Variants in PCDHA2 observed in about 807,000 individuals in gnomAD.
PCDHA2 encodes the protein protocadherin alpha 2, also known as protocadherin alpha-2.
PCDHA2 carries 58 observed loss-of-function variants against 66.0 expected under a neutral mutation model. The observed-to-expected ratio is 0.88, with a 90% CI of 0.71 to 1.09. PCDHA2 has a LOEUF of 1.09. Ranked by LOEUF, PCDHA2 falls within the 50% of genes least tolerant of loss-of-function variation. The pLI, the probability that PCDHA2 is intolerant of heterozygous loss-of-function variation, is 0.00. For synonymous variants in PCDHA2, 634 were observed against 554.0 expected (o/e 1.14, Z -2.03); for missense variants, 1,267 against 1,242.3 (o/e 1.02, Z -0.30).
intron 1 of PCDHA2, among the ~76,000 whole-genome samples, chr5:140,896,091 G>A (rs1353012571): frequency 2.0e-5 from 3 of 152,104 alleles, no homozygotes; most frequent in African/African-American, 2.4e-5. Flanking sequence ...GATTACAGGC[G>A]TGAGCCACTG....
chr5:140,835,845 G>C, intron 1 of PCDHA2: 2 of 1,612,312 alleles, frequency 1.2e-6, no homozygotes, highest in Non-Finnish European at 1.7e-6. Context: ...GCAGAAGAAC[G>C]CGCTGGTGTC....
chr5:140,807,723 C>T (rs369564705), intron 1 of PCDHA2: 1 of 1,614,192 alleles, frequency 6.2e-7, no homozygotes, highest in Non-Finnish European at 8.5e-7. Flanking sequence ...GAATACTTTT[C>T]TCTGGAAAAA....
At position 140,794,930 on chromosome 5, in the gene PCDHA2, C is replaced by A; in HGVS notation, c.-35C>A. ...AATATTTAAATTTTTGCAAAACATG[C>A]TCTTCTAATTTGATCAAAACATTGA... is the stretch of plus-strand genomic sequence containing the variant. On this transcript the variant is annotated 5_prime_UTR_variant, in exon 1 of 4. Coordinates refer to ENST00000526136, the MANE Select transcript of PCDHA2 (RefSeq NM_018905.3). The A allele has an allele frequency of 6.4e-7, 1 of 1,559,700 alleles. No homozygotes were observed. The highest frequency in any genetic ancestry group is 1.4e-5 in the African/African-American group (1 of 72,470).
At chr5:140,805,621 A>G in intron 1 of PCDHA2, 8 of 916,950 alleles carry the variant, frequency 8.7e-6, no homozygotes, top group Non-Finnish European at 1.0e-5. Context: ...ATGTAAGAAA[A>G]TGTATTGTGG....
At chr5:140,884,499 C>A (rs782667822) in intron 1 of PCDHA2, 2 of 1,614,062 alleles carry the variant, frequency 1.2e-6, no homozygotes, top group Non-Finnish European at 8.5e-7. Flanking sequence ...TGCTCCAGCG[C>A]GGCAGGGAGT....
intron 1 of PCDHA2, chr5:140,884,661 A>C: frequency 6.3e-7 from 1 of 1,590,384 alleles, no homozygotes; most frequent in African/African-American, 1.3e-5. Context: ...TGCTTGAAAG[A>C]GGTAAGCTTA....
chr5:140,886,159 C>T (rs1006053368), intron 1 of PCDHA2, among the ~76,000 whole-genome samples: 16 of 152,164 alleles, frequency 1.1e-4, no homozygotes, highest in Non-Finnish European at 2.1e-4. Flanking sequence ...TTTTTATAGC[C>T]ACATCTGCTT....
At chr5:140,808,921 C>G in intron 1 of PCDHA2, 3 of 1,613,590 alleles carry the variant, frequency 1.9e-6, no homozygotes, top group Non-Finnish European at 2.5e-6. Flanking sequence ...GCGCAGTGAG[C>G]GAGCTGGTGC....
At chr5:140,850,367 GGGGCTGT>G (rs1332786840) in intron 1 of PCDHA2, 1 of 1,597,800 alleles carries the variant, frequency 6.3e-7, no homozygotes, top group Non-Finnish European at 8.6e-7. Context: ...CGTTCCGCGT[GGGGCTGT>G]ACACGGGCGA....
Position 140,979,011 on chromosome 5 carries a change from T to C in PCDHA2, c.2447+4T>C. On this transcript the variant is annotated splice_donor_region_variant and intron_variant, in intron 2 of 3. Coordinates refer to ENST00000526136, the MANE Select transcript of PCDHA2 (RefSeq NM_018905.3). ...CCCTGAGAGCAGGCATGCACAGGTA[T>C]GTATTTCCCTCCTCATTCACTCAGA... The C allele has an allele frequency of 6.2e-7, 1 of 1,613,950 alleles. No homozygotes were observed. The highest frequency in any genetic ancestry group is 8.5e-7 in the Non-Finnish European group (1 of 1,179,938).
intron 1 of PCDHA2, among the ~76,000 whole-genome samples, chr5:140,974,407 A>T (rs1441174003): frequency 6.6e-6 from 1 of 152,244 alleles, no homozygotes; most frequent in African/African-American, 2.4e-5. Flanking sequence ...TTCTAAAGTT[A>T]TGTTTATTTT....
chr5:140,971,599 A>G (rs891227830), intron 1 of PCDHA2, among the ~76,000 whole-genome samples: 1 of 152,140 alleles, frequency 6.6e-6, no homozygotes, highest in African/African-American at 2.4e-5. Flanking sequence ...GTTACTACAG[A>G]TGGCAGGAGA....
Position 140,848,909 on chromosome 5 carries a change from G to T in PCDHA2, c.2388+51557G>T, listed in dbSNP as rs2150424301. 6.2e-5 allele frequency: 99 copies of T among 1,608,232 alleles called. No individual in the cohort carries two copies. The African/African-American group carries it at 1.2e-3, about 19-fold the overall frequency. ...CTCCAGTGTTCCCAGCGACACAAAA[G>T]AATCTGTTCATCGCGGAATCCAGGC... On this transcript the variant is annotated intron_variant, in intron 1 of 3. Transcript: ENST00000526136.
At position 140,943,494 on chromosome 5, in the gene PCDHA2, A is replaced by G. The variant is rs1046059269; in HGVS notation, c.2389-35455A>G. ...TACAGTAAAATAATAAATAGATGCT[A>G]TCAAGGTTCATGGAAATGTTGAGTT... is the stretch of plus-strand genomic sequence containing the variant. On this transcript the variant is annotated intron_variant, in intron 1 of 3. Transcript: ENST00000526136. Among the ~76,000 whole-genome samples, 4 of 152,132 alleles carry G rather than the reference A, an allele frequency of 2.6e-5. No homozygotes were observed. The East Asian group carries it at 5.8e-4, about 22-fold the overall frequency.
At chr5:140,825,856 C>T (rs1768740598) in intron 1 of PCDHA2, 1 of 152,350 alleles carries the variant, frequency 6.6e-6, no homozygotes. Context: ...TACAAACTCC[C>T]CTCTTGAGTT....
At chr5:140,877,525 G>A (rs1562735759) in intron 1 of PCDHA2, 7 of 1,613,804 alleles carry the variant, frequency 4.3e-6, no homozygotes, top group Non-Finnish European at 5.9e-6. Flanking sequence ...GGCCTCAGTG[G>A]GCGCTGTGGA....
intron 3 of PCDHA2, among the ~76,000 whole-genome samples, chr5:141,000,386 T>A (rs1394092081): frequency 5.6e-4 from 37 of 66,542 alleles, no homozygotes; most frequent in African/African-American, 2.4e-3. Flanking sequence ...TCTCTCTCTC[T>A]CTCTCTCTCT....
chr5:140,949,277 G>T (rs934497662), intron 1 of PCDHA2, among the ~76,000 whole-genome samples: 2 of 151,734 alleles, frequency 1.3e-5, no homozygotes, highest in African/African-American at 2.4e-5. Context: ...CACTTGAAAA[G>T]AATGTATATT....
At chr5:140,968,580 C>T (rs782395602) in intron 1 of PCDHA2, 1 of 1,614,218 alleles carries the variant, frequency 6.2e-7, no homozygotes, top group Admixed American at 1.7e-5. Context: ...TACCTGGTCA[C>T]CAAAGTCATA....
Sources: gnomAD v4.1 joint callset for allele counts (sites outside exome capture counted in the v4.1 genomes callset) on GRCh38, gnomAD v4.1.1 for gene constraint, MANE v1.5 for transcripts, NCBI Gene and HGNC (gene_info 2026-07-23, HGNC 2026-07-21) for gene names.